Variants in PTPRK observed in about 807,000 individuals in gnomAD.
The protein encoded by PTPRK is protein tyrosine phosphatase receptor type K.
Under a neutral mutation model 178.0 loss-of-function variants are expected in PTPRK, and 75 were observed. The ratio of observed to expected loss-of-function variants is 0.42; its 90% CI spans 0.35 to 0.51. The LOEUF (loss-of-function observed/expected upper bound fraction) is 0.51. Ranked by LOEUF, PTPRK falls within the 20% of genes least tolerant of loss-of-function variation. PTPRK has a pLI of 0.02. For missense variants in PTPRK, 1,441 were observed against 1,797.8 expected (o/e 0.80, Z 3.59); for synonymous variants, 637 against 620.6 (o/e 1.03, Z -0.39).
At chr6:127,977,396 T>C (rs1281706607) in intron 25 of PTPRK, among the ~76,000 whole-genome samples, 6 of 152,204 alleles carry the variant, frequency 3.9e-5, no homozygotes, top group Non-Finnish European at 8.8e-5. Flanking sequence ...AAGGTTCCTG[T>C]TGGGCTATTT....
chr6:128,221,031 C>T (rs530636380), intron 5 of PTPRK, among the ~76,000 whole-genome samples: 5 of 152,218 alleles, frequency 3.3e-5, no homozygotes, highest in Admixed American at 1.3e-4. Context: ...ATTAGTACTA[C>T]ATGTATGCAT....
intron 7 of PTPRK, among the ~76,000 whole-genome samples, chr6:128,179,403 T>C (rs1440476398): frequency 6.6e-6 from 1 of 152,004 alleles, no homozygotes; most frequent in East Asian, 1.9e-4. Context: ...AATTTTATTC[T>C]TACATTCCCA....
chr6:128,103,982 G>A (rs925380297), intron 7 of PTPRK, among the ~76,000 whole-genome samples: 5 of 152,106 alleles, frequency 3.3e-5, no homozygotes, highest in East Asian at 1.9e-4. Flanking sequence ...TGCTTGCTCC[G>A]TTCAAACATG....
intron 1 of PTPRK, among the ~76,000 whole-genome samples, chr6:128,430,675 GT>G (rs1844720767): frequency 6.6e-6 from 1 of 152,078 alleles, no homozygotes; most frequent in South Asian, 2.1e-4. Context: ...TCACAAAAGG[GT>G]GACTTTAAGG....
At position 128,302,106 on chromosome 6, in the gene PTPRK, G is replaced by A. The variant is rs910887985; in HGVS notation, c.495+19933C>T. Among the ~76,000 whole-genome samples the A allele has an allele frequency of 4.0e-5, 6 of 151,760 alleles. No homozygotes were observed. In the South Asian group the frequency reaches 6.3e-4, roughly 16 times the overall value. Reference sequence around the variant, plus strand: ...TCATTTTCATAAAAAGCCAGGAAACGGGCCGGGTGAGGTGGCTCACGCCTG... The same window carrying A: ...TCATTTTCATAAAAAGCCAGGAAACAGGCCGGGTGAGGTGGCTCACGCCTG... On this transcript the variant is annotated intron_variant, in intron 3 of 29. Transcript: ENST00000368226.
chr6:128,150,745 A>G (rs1797127123), intron 7 of PTPRK, among the ~76,000 whole-genome samples: 1 of 152,126 alleles, frequency 6.6e-6, no homozygotes, highest in African/African-American at 2.4e-5. Flanking sequence ...AGGGAAGGGC[A>G]ACGCTATGAA....
At position 128,067,625 on chromosome 6, in the gene PTPRK, G is replaced by C; in HGVS notation, c.2051C>G (p.Pro684Arg). Reference protein sequence around the residue: ...LPPGNLPEPAPFTVGDNRTYQ... With the variant: ...LPPGNLPEPARFTVGDNRTYQ... ...GGTCCGATTGTCACCCACAGTGAAC[G>C]GGGCAGGCTCAGGTAGGTTTCCCGG... The change falls in exon 12 of 30, where the codon CCG becomes CGG. Residue 684 changes from proline (P) to arginine (R), a missense_variant. Physicochemically the swap from Pro to Arg is moderately radical, Grantham distance 103. This residue lies in a region of PTPRK where 945 missense variants were observed against 1,080.6 expected (regional missense o/e 0.87). Transcript: ENST00000368226. The C allele has an allele frequency of 6.2e-7, 1 of 1,613,542 alleles. No homozygotes were observed. The highest frequency in any genetic ancestry group is 1.3e-5 in the African/African-American group (1 of 74,980).
chr6:127,991,534 G>T, intron 19 of PTPRK, 143 bp from the exon 20 acceptor site: 6 of 435,434 alleles, frequency 1.4e-5, no homozygotes, highest in Non-Finnish European at 2.3e-5. Context: ...CTTAAATTCA[G>T]TTCATATCTA....
In PTPRK at chr6:128,227,863, T is replaced by G. The variant is rs539266774; in HGVS notation, c.694-8767A>C. Among the ~76,000 whole-genome samples the G allele has an allele frequency of 2.0e-5, 3 of 151,944 alleles. 1 individual carries two copies. The South Asian group carries it at 6.2e-4, about 32-fold the overall frequency. On this transcript the variant is annotated intron_variant, in intron 5 of 29. Coordinates refer to ENST00000368226, the MANE Select transcript of PTPRK (RefSeq NM_002844.4). ...AGGAAAATTAGAAATTAAAGAAATATCATTATTAATTACTAGAAATTATGA... is the reference window on the plus strand; with the variant it reads ...AGGAAAATTAGAAATTAAAGAAATAGCATTATTAATTACTAGAAATTATGA...
rs536775442 is a variant in PTPRK at position 127,987,162 on chromosome 6, A to T, written c.3097-1287T>A. ...ATGTATAGGGTTTGCTCTTTTTAGT[A>T]CATTTTCATATGTCAGCACCTATTC... On this transcript the variant is annotated intron_variant, in intron 21 of 29. Transcript: ENST00000368226. 5.3e-5 allele frequency among the ~76,000 whole-genome samples: 8 copies of T among 151,744 alleles called. No homozygotes were observed. In the South Asian group the frequency reaches 1.7e-3, roughly 32 times the overall value.
chr6:128,272,333 G>T (rs1002845491), intron 3 of PTPRK, among the ~76,000 whole-genome samples: 1 of 152,088 alleles, frequency 6.6e-6, no homozygotes, highest in Non-Finnish European at 1.5e-5. Flanking sequence ...AAAAGCAATG[G>T]CAACAAAAGC....
intron 1 of PTPRK, among the ~76,000 whole-genome samples, chr6:128,485,957 C>T (rs781053772): frequency 6.6e-6 from 1 of 152,088 alleles, no homozygotes; most frequent in Non-Finnish European, 1.5e-5. Flanking sequence ...GACAAGCTAT[C>T]CTCATTTTGA....
intron 7 of PTPRK, among the ~76,000 whole-genome samples, chr6:128,151,278 C>T (rs1333455791): frequency 6.6e-6 from 1 of 151,672 alleles, no homozygotes; most frequent in Non-Finnish European, 1.5e-5. Flanking sequence ...TTTTAAAATC[C>T]CATATGATTG....
At chr6:128,493,422 C>A (rs1237541046) in intron 1 of PTPRK, among the ~76,000 whole-genome samples, 1 of 151,882 alleles carries the variant, frequency 6.6e-6, no homozygotes, top group Admixed American at 6.6e-5. Context: ...ATTAGCTGGG[C>A]ATGGTGGCAG....
chr6:128,420,696 G>T (rs567661875), intron 1 of PTPRK, among the ~76,000 whole-genome samples: 1 of 152,158 alleles, frequency 6.6e-6, no homozygotes, highest in African/African-American at 2.4e-5. Context: ...AAGAACTTAC[G>T]AAAATGACAG....
chr6:128,082,470 C>A lies in PTPRK; in HGVS notation c.1744G>T (p.Ala582Ser). Residue 582 changes from alanine to serine, a missense_variant, in exon 10 of 30, where the codon GCC (alanine) becomes TCC (serine). By Grantham distance (99) the Ala-to-Ser change is moderately conservative. Coordinates refer to ENST00000368226, the MANE Select transcript of PTPRK (RefSeq NM_002844.4). ...TTGGTGGTGACATTGATGGCTGTGGCTGGACCAAAGCCTTTGACCGTGCTG... is the reference window on the plus strand; with the variant it reads ...TTGGTGGTGACATTGATGGCTGTGGATGGACCAAAGCCTTTGACCGTGCTG... Reference protein sequence around the residue: ...RASTVKGFGPATAINVTTNIS... With the variant: ...RASTVKGFGPSTAINVTTNIS... 1 of 1,612,986 alleles carries A rather than the reference C, an allele frequency of 6.2e-7. No individual in the cohort carries two copies. The highest frequency in any genetic ancestry group is 8.5e-7 in the Non-Finnish European group (1 of 1,179,122).
At chr6:127,979,641 T>TTAG (rs1480470530) in intron 25 of PTPRK, among the ~76,000 whole-genome samples, 1 of 152,206 alleles carries the variant, frequency 6.6e-6, no homozygotes, top group Non-Finnish European at 1.5e-5. Flanking sequence ...GAGCCTGCCT[T>TTAG]TAGACTATTC....
At position 128,518,910 on chromosome 6, in the gene PTPRK, G is replaced by A. The variant is rs1443124269; in HGVS notation, c.100+1349C>T. 8.8e-6 allele frequency: 4 copies of A among 453,922 alleles called. No individual in the cohort carries two copies. In the Admixed American group the frequency reaches 1.1e-4, roughly 12 times the overall value. 28.1% of individuals were successfully genotyped at this position (453,922 alleles called of 1,614,324 possible). On this transcript the variant is annotated intron_variant, in intron 1 of 29. Transcript: ENST00000368226. ...GGCGGGGGTAGGAGAGCAATGGAAG[G>A]GAAATAAACGATTACTCCAGAAAAC...
At chr6:128,125,285 G>A (rs2114423087) in intron 7 of PTPRK, among the ~76,000 whole-genome samples, 1 of 152,290 alleles carries the variant, frequency 6.6e-6, no homozygotes, top group African/African-American at 2.4e-5. Context: ...TGGTTTCTCA[G>A]GAATAGTTTA....
Sources: allele counts gnomAD v4.1 joint callset (sites outside exome capture counted in the v4.1 genomes callset), GRCh38; gene constraint gnomAD v4.1.1; regional missense constraint gnomAD v4.1.1; transcripts MANE v1.5; gene names NCBI Gene and HGNC (gene_info 2026-07-23, HGNC 2026-07-21).